PADI4: variants seen among roughly 807,000 people sequenced by gnomAD.
PADI4 encodes peptidyl arginine deiminase 4.
Under a neutral mutation model 75.0 loss-of-function variants are expected in PADI4, and 62 were observed. That is an observed-to-expected ratio of 0.83 (90% confidence interval 0.67 to 1.02). The LOEUF (loss-of-function observed/expected upper bound fraction) is 1.02, where lower values mean the gene tolerates loss of function less well. Ranked by LOEUF, PADI4 falls within the 50% of genes least tolerant of loss-of-function variation. The pLI is 0.00. For synonymous variants in PADI4, 361 were observed against 348.1 expected, an observed-to-expected ratio of 1.04 and a Z score of -0.41; for missense variants, 845 against 850.5, an observed-to-expected ratio of 0.99 and a Z score of 0.08.
At chr1:17,341,838 G>A (rs911744975) in intron 6 of PADI4, 105 bp from the exon 7 acceptor site, 3 of 791,522 alleles carry the variant, frequency 3.8e-6, no homozygotes, top group Non-Finnish European at 6.2e-6. Context: ...CTCTGATGGT[G>A]CCATGTGGTG....
At chr1:17,351,249 G>A (rs900548546) in intron 10 of PADI4, among the ~76,000 whole-genome samples, 3 of 150,534 alleles carry the variant, frequency 2.0e-5, no homozygotes, top group Admixed American at 6.6e-5. Flanking sequence ...GAGTAGAGCG[G>A]AATGGAGGGG....
chr1:17,347,612 C>G (rs933223774), intron 9 of PADI4, among the ~76,000 whole-genome samples: 1 of 151,714 alleles, frequency 6.6e-6, no homozygotes, highest in African/African-American at 2.4e-5. Flanking sequence ...CACCTCCTAA[C>G]CCTGGTGCCC....
intron 2 of PADI4, among the ~76,000 whole-genome samples, chr1:17,332,194 C>A (rs1210412318): frequency 1.3e-5 from 2 of 152,252 alleles, no homozygotes; most frequent in East Asian, 3.9e-4. Context: ...GGGTACTTGC[C>A]ATGGGATGTG....
At chr1:17,347,872 C>T (rs1042870017) in intron 9 of PADI4, 69 bp from the exon 10 acceptor site, 4 of 780,846 alleles carry the variant, frequency 5.1e-6, no homozygotes, top group African/African-American at 1.7e-5. Flanking sequence ...TTTCATGCCC[C>T]CATCCTGGCG....
At chr1:17,352,194 G>GGT (rs2074670815) in intron 10 of PADI4, among the ~76,000 whole-genome samples, 8 of 116,548 alleles carry the variant, frequency 6.9e-5, no homozygotes, top group Non-Finnish European at 1.4e-4. Flanking sequence ...CGGTCAGGGA[G>GGT]GAGATGGGAG....
At chr1:17,351,140 G>A (rs2074610113) in intron 10 of PADI4, among the ~76,000 whole-genome samples, 1 of 133,198 alleles carries the variant, frequency 7.5e-6, no homozygotes, top group African/African-American at 2.6e-5. Context: ...CAAGGCTGCA[G>A]CGAGTCATGA....
intron 10 of PADI4, among the ~76,000 whole-genome samples, chr1:17,351,765 C>T (rs2074629232): frequency 6.6e-6 from 1 of 152,196 alleles, no homozygotes; most frequent in South Asian, 2.1e-4. Context: ...GGCAGTGAAA[C>T]AGCCAGTGCA....
chr1:17,333,891 G>T (rs113733414), intron 2 of PADI4, 52 bp from the exon 3 acceptor site: 12 of 1,375,630 alleles, frequency 8.7e-6, no homozygotes, highest in African/African-American at 8.5e-5. Flanking sequence ...GGGGTCCAGT[G>T]GGTGTTTGTT....
chr1:17,353,862 G>T lies in PADI4; in HGVS notation c.1156-671G>T, dbSNP rs557697132. Among the ~76,000 whole-genome samples the T allele has an allele frequency of 2.1e-4, 32 of 152,186 alleles. No homozygotes were observed. The Middle Eastern group carries it at 0.01, about 49-fold the overall frequency. On this transcript the variant is annotated intron_variant, in intron 10 of 15. Coordinates refer to ENST00000375448, the MANE Select transcript of PADI4 (RefSeq NM_012387.3). ...GAAATATAATAGATTCTTTCCTCAG[G>T]GCCTCCAGGAGGAACCAGCTCTGCC... is the stretch of plus-strand genomic sequence containing the variant.
chr1:17,333,320 G>C (rs1301568171), intron 2 of PADI4, among the ~76,000 whole-genome samples: 1 of 151,946 alleles, frequency 6.6e-6, no homozygotes, highest in East Asian at 1.9e-4. Context: ...TCTTCCTCTG[G>C]TGGCAGCTCT....
At chr1:17,326,323 A>G (rs1287206158) in intron 1 of PADI4, among the ~76,000 whole-genome samples, 1 of 152,050 alleles carries the variant, frequency 6.6e-6, no homozygotes, top group Admixed American at 6.6e-5. Flanking sequence ...TTCAGCTTTT[A>G]CTTTCTTTTT....
At chr1:17,347,064 A>G (rs2100756416) in intron 9 of PADI4, among the ~76,000 whole-genome samples, 1 of 151,476 alleles carries the variant, frequency 6.6e-6, no homozygotes, top group East Asian at 1.9e-4. Flanking sequence ...CAGCCTCCTG[A>G]GTAGCTGTAA....
chr1:17,345,091 G>C (rs1329012481), intron 8 of PADI4, among the ~76,000 whole-genome samples: 3 of 152,234 alleles, frequency 2.0e-5, no homozygotes, highest in African/African-American at 7.2e-5. Flanking sequence ...AAGACCATGG[G>C]AACCCACCTC....
rs2074727222 is a variant in PADI4 at position 17,354,578 on chromosome 1, A to G, written c.1201A>G (p.Ile401Val). 1 of 1,614,018 alleles carries G rather than the reference A, an allele frequency of 6.2e-7. No individual in the cohort carries two copies. The highest frequency in any genetic ancestry group is 1.3e-5 in the African/African-American group (1 of 74,932). ...AACTCGAGGGCCCCAAACAGGGGGT[A>G]TCAGTGGACTGGACTCCTTTGGGAA... ...YVTRGPQTGG[I>V]SGLDSFGNLE... Residue 401 changes from isoleucine (I) to valine (V), a missense_variant, in exon 11 of 16, where the codon ATC becomes GTC. By Grantham distance (29) the Ile-to-Val change is conservative (BLOSUM62 3). Coordinates refer to ENST00000375448, the MANE Select transcript of PADI4 (RefSeq NM_012387.3).
Position 17,346,016 on chromosome 1 carries a change from T to C in PADI4, c.936-12T>C, listed in dbSNP as rs780952881. On this transcript the variant is annotated splice_polypyrimidine_tract_variant and intron_variant, in intron 8 of 15. Coordinates refer to ENST00000375448, the MANE Select transcript of PADI4 (RefSeq NM_012387.3). The surrounding 1 kb of genome is among the most constrained non-coding windows in gnomAD (Gnocchi z 4.3). ...CCAGAGCACTAAGGAGCTGCTTTTC[T>C]GCTCTCTCTAGTATTTTTGAAAATG... 19 of 1,545,026 alleles carry C rather than the reference T, an allele frequency of 1.2e-5. No individual in the cohort carries two copies. In the Admixed American group the frequency reaches 2.8e-4, roughly 23 times the overall value.
Position 17,356,143 on chromosome 1 carries a change from C to CTACCTCA in PADI4, c.1455+17_1455+18insACCTCAT, listed in dbSNP as rs1431340699. 2 of 1,611,962 alleles carry CTACCTCA rather than the reference C, an allele frequency of 1.2e-6. No homozygotes were observed. The highest frequency in any genetic ancestry group is 2.7e-5 in the African/African-American group (2 of 74,882). On this transcript the variant is annotated intron_variant, in intron 12 of 15. Coordinates refer to ENST00000375448, the MANE Select transcript of PADI4 (RefSeq NM_012387.3). This position sits in a 1 kb window ranked among gnomAD's most constrained non-coding sequence, Gnocchi z 4.1. Reference sequence around the variant, plus strand: ...CGACAGGAAGGTACAGTCTTGGGGGCTGCCTCAGGAAGCCATGCCTCCTTC... The same window carrying CTACCTCA: ...CGACAGGAAGGTACAGTCTTGGGGGCTACCTCATGCCTCAGGAAGCCATGCCTCCTTC...
rs1287114906 is a variant in PADI4, at chr1:17,350,890, G to A, written c.1155+2842G>A. Among the ~76,000 whole-genome samples the A allele has an allele frequency of 1.6e-5, 2 of 128,602 alleles. 1 individual carries two copies. The highest frequency in any genetic ancestry group is 5.0e-5 in the African/African-American group (2 of 39,866). 84.4% of individuals were successfully genotyped at this position (128,602 alleles called of 152,430 possible). A position where few individuals can be genotyped will look rare whatever the true frequency, so the allele number is the denominator to read the frequency against. On this transcript the variant is annotated intron_variant, in intron 10 of 15. Coordinates refer to ENST00000375448, the MANE Select transcript of PADI4 (RefSeq NM_012387.3). ...GTTATATGGTTCCTTAGAAGGGGAT[G>A]TCAAGAGCTACAGGTGCCAGGTGTG... is the stretch of plus-strand genomic sequence containing the variant.
chr1:17,342,028 C>T lies in PADI4; in HGVS notation c.738C>T (p.Asn246=), dbSNP rs1336977790. Residue 246 remains asparagine (N), a synonymous_variant, in exon 7 of 16, where the codon AAC becomes AAT. Transcript: ENST00000375448. ...TGATGGTCCCCGGTGGAAAGCACAA[C>T]ATGGACTTCTACGTGGAGGCCCTCG... The part of the protein sequence containing the change: ...HYLMVPGGKH[N]MDFYVEALAF... 6.2e-7 allele frequency: 1 copy of T among 1,613,906 alleles called. No individual in the cohort carries two copies. The highest frequency in any genetic ancestry group is 1.7e-5 in the Admixed American group (1 of 60,028).
chr1:17,351,090 A>G lies in PADI4; in HGVS notation c.1155+3042A>G, dbSNP rs61763727. 2.3e-5 allele frequency among the ~76,000 whole-genome samples: 2 copies of G among 85,236 alleles called. 1 individual carries two copies. The highest frequency in any genetic ancestry group is 1.1e-3 in the South Asian group (2 of 1,858). The allele number at this position is 85,236 out of a possible 152,430, so 55.9% of individuals were successfully genotyped here. On this transcript the variant is annotated intron_variant, in intron 10 of 15. Coordinates refer to ENST00000375448, the MANE Select transcript of PADI4 (RefSeq NM_012387.3). ...ACACATGCCTGTAGTCCCAACTACT[A>G]GAGAGGCTGAGGTGGGAGGATCGCT...
Sources: allele counts gnomAD v4.1 joint callset (sites outside exome capture counted in the v4.1 genomes callset), GRCh38; gene constraint gnomAD v4.1.1; non-coding constraint Gnocchi (gnomAD v3.1); transcripts MANE v1.5; gene names NCBI Gene and HGNC (gene_info 2026-07-23, HGNC 2026-07-21).